GFRA1: variants seen among roughly 807,000 people sequenced by gnomAD.
GFRA1 encodes the protein GDNF family receptor alpha-1.
GFRA1 carries 16 observed loss-of-function variants against 51.6 expected under a neutral mutation model. That is an observed-to-expected ratio of 0.31 (90% CI 0.21 to 0.47). GFRA1 has a LOEUF of 0.47. Among genes scored for constraint, GFRA1 ranks in the 20% least tolerant of loss-of-function variants. The probability of loss-of-function intolerance (pLI) is 1.00; values close to 1 mark genes in which losing one functional copy is unlikely to be tolerated. For missense variants in GFRA1, 530 were observed against 594.3 expected (o/e 0.89, Z 1.13); for synonymous variants, 270 against 241.3 (o/e 1.12, Z -1.10).
chr10:116,072,630 G>A (rs753022165), intron 9 of GFRA1, among the ~76,000 whole-genome samples: 7 of 151,998 alleles, frequency 4.6e-5, no homozygotes, highest in Admixed American at 6.6e-5. Flanking sequence ...GCATGTTGGC[G>A]CGCACCTGTA....
intron 5 of GFRA1, among the ~76,000 whole-genome samples, chr10:116,205,550 G>A (rs1964667324): frequency 6.7e-6 from 1 of 149,718 alleles, no homozygotes; most frequent in African/African-American, 2.5e-5. Flanking sequence ...ACTCTAGCCT[G>A]GCGACAGAGC....
At chr10:116,071,098 T>C (rs56068822) in intron 9 of GFRA1, among the ~76,000 whole-genome samples, 19,893 of 152,204 alleles carry the variant, frequency 0.13, 4,334 homozygotes, top group African/African-American at 0.45. Context: ...AAGCTTAATT[T>C]TGCCAAGCCC....
At chr10:116,118,802 T>C (rs964877146) in intron 6 of GFRA1, among the ~76,000 whole-genome samples, 8 of 152,134 alleles carry the variant, frequency 5.3e-5, no homozygotes, top group Admixed American at 5.2e-4. Context: ...AAAAAGTGAT[T>C]GGTAGGACTT....
chr10:116,220,940 C>T (rs9804260), intron 4 of GFRA1, among the ~76,000 whole-genome samples: 40,796 of 152,068 alleles, frequency 0.27, 5,780 homozygotes, highest in South Asian at 0.42. Flanking sequence ...TAACATACAC[C>T]TGTTATTTTC....
intron 4 of GFRA1, among the ~76,000 whole-genome samples, chr10:116,237,855 G>T (rs1967017351): frequency 1.3e-5 from 2 of 152,262 alleles, no homozygotes; most frequent in Admixed American, 1.3e-4. Context: ...TGCACAAAAA[G>T]GTCACAAGGA....
chr10:116,137,781 T>C (rs1204238574), intron 5 of GFRA1, among the ~76,000 whole-genome samples: 3 of 152,124 alleles, frequency 2.0e-5, no homozygotes, highest in African/African-American at 4.8e-5. Flanking sequence ...AATAGTCAGA[T>C]ATGTGAATTC....
At position 116,061,125 on chromosome 10, in the gene GFRA1, G is replaced by A. The variant is rs1954793260; in HGVS notation, c.*3273C>T. ...CCATCCTCAGAGTGTATGCAAGACA[G>A]GAAGTGTCTGAATATGGACCAAATC... On this transcript the variant is annotated 3_prime_UTR_variant, in exon 11 of 11. Transcript: ENST00000355422. 6.6e-6 allele frequency: 1 copy of A among 151,918 alleles called. No homozygotes were observed. The highest frequency in any genetic ancestry group is 1.5e-5 in the Non-Finnish European group (1 of 68,014). The allele number at this position is 151,918 out of a possible 1,614,324, so 9.4% of individuals were successfully genotyped here. A position where few individuals can be genotyped will look rare whatever the true frequency, so the allele number is the denominator to read the frequency against.
At chr10:116,251,553 C>A (rs758735407) in intron 4 of GFRA1, among the ~76,000 whole-genome samples, 1 of 152,310 alleles carries the variant, frequency 6.6e-6, no homozygotes, top group Admixed American at 6.5e-5. Context: ...TAGCAAAAAA[C>A]GTATAATGGG....
At chr10:116,116,522 T>C (rs1239992237) in intron 6 of GFRA1, among the ~76,000 whole-genome samples, 2 of 152,184 alleles carry the variant, frequency 1.3e-5, no homozygotes, top group Non-Finnish European at 2.9e-5. Flanking sequence ...GGAATCCAAA[T>C]CAGGTGAGTG....
intron 5 of GFRA1, among the ~76,000 whole-genome samples, chr10:116,174,896 T>C (rs1474424685): frequency 6.6e-6 from 1 of 151,712 alleles, no homozygotes; most frequent in Non-Finnish European, 1.5e-5. Context: ...TATGGATTTA[T>C]TGTATTTTTT....
chr10:116,168,193 A>G (rs1960681279), intron 5 of GFRA1, among the ~76,000 whole-genome samples: 1 of 151,250 alleles, frequency 6.6e-6, no homozygotes, highest in East Asian at 1.9e-4. Context: ...TTGTCATTCA[A>G]CAATCATTTA....
intron 4 of GFRA1, among the ~76,000 whole-genome samples, chr10:116,262,508 AAT>A (rs34031808): frequency 0.2 from 30,569 of 152,034 alleles, 3,454 homozygotes; most frequent in East Asian, 0.33. Context: ...TGTAAAAAAA[AAT>A]ATATGTATAC....
At chr10:116,067,379 T>TAACA (rs1955162279) in intron 9 of GFRA1, among the ~76,000 whole-genome samples, 1 of 152,194 alleles carries the variant, frequency 6.6e-6, no homozygotes, top group Non-Finnish European at 1.5e-5. Context: ...TTTGCATAAC[T>TAACA]AACAAATTTA....
intron 4 of GFRA1, among the ~76,000 whole-genome samples, chr10:116,248,305 C>T (rs1048001682): frequency 5.9e-5 from 9 of 152,202 alleles, no homozygotes; most frequent in Non-Finnish European, 1.3e-4. Flanking sequence ...CCTGCACCCA[C>T]TAGACCTGAG....
At chr10:116,125,703 TTCA>T (rs1957843188) in intron 5 of GFRA1, 146 bp from the exon 6 acceptor site, 12 of 691,244 alleles carry the variant, frequency 1.7e-5, no homozygotes, top group Middle Eastern at 3.8e-4. Context: ...ACTTAATGAC[TTCA>T]TGACAAGAGA....
At position 116,076,738 on chromosome 10, in the gene GFRA1, G is replaced by A. The variant is rs79515615; in HGVS notation, c.1198-11112C>T. 6.4e-3 allele frequency among the ~76,000 whole-genome samples: 982 copies of A among 152,256 alleles called. 10 individuals are homozygous for A. The highest frequency in any genetic ancestry group is 0.023 in the African/African-American group (940 of 41,542). On this transcript the variant is annotated intron_variant, in intron 9 of 10. Coordinates refer to ENST00000355422, the MANE Select transcript of GFRA1 (RefSeq NM_005264.8). The stretch of plus-strand genomic sequence containing the variant: ...GCTGGTTCGCTCAATAATCACACTT[G>A]TTTTCAAGGGTCCTGGGACCTAATT...
rs1453895630 is a variant in GFRA1 at position 116,064,079 on chromosome 10, GATCATCATCATGATCATCATC to G, written c.*298_*318del. On this transcript the variant is annotated 3_prime_UTR_variant, in exon 11 of 11. Coordinates refer to ENST00000355422, the MANE Select transcript of GFRA1 (RefSeq NM_005264.8). ...TGATGATCATCATCATGATCATGAT[GATCATCATCATGATCATCATC>G]ATCATCGAAAACACAGCCCCAGTTT... The G allele has an allele frequency of 8.2e-6, 1 of 121,996 alleles. No homozygotes were observed. The allele number at this position is 121,996 out of a possible 1,614,324, so 7.6% of individuals were successfully genotyped here.
chr10:116,269,176 T>C (rs1969897090), intron 4 of GFRA1, among the ~76,000 whole-genome samples: 1 of 152,052 alleles, frequency 6.6e-6, no homozygotes, highest in Non-Finnish European at 1.5e-5. Context: ...GAGAATACGA[T>C]TGCCACCTAC....
At chr10:116,207,599 T>C (rs2694762) in intron 5 of GFRA1, among the ~76,000 whole-genome samples, 39,894 of 151,958 alleles carry the variant, frequency 0.26, 5,476 homozygotes, top group African/African-American at 0.35. Context: ...CAGCTGAGGC[T>C]TAAAAATATA....
Sources: gnomAD v4.1 joint callset for allele counts (sites outside exome capture counted in the v4.1 genomes callset) on GRCh38, gnomAD v4.1.1 for gene constraint, MANE v1.5 for transcripts, NCBI Gene and HGNC (gene_info 2026-07-23, HGNC 2026-07-21) for gene names.